The following PAN3 variants were observed in gnomAD, a reference collection of about 807,000 sequenced individuals.
PAN3 encodes PAN2-PAN3 deadenylation complex subunit PAN3.
Under a neutral mutation model 96.2 loss-of-function variants are expected in PAN3, and 19 were observed. The ratio of observed to expected loss-of-function variants is 0.20; its 90% confidence interval spans 0.14 to 0.29. The LOEUF (loss-of-function observed/expected upper bound fraction) is 0.29. Ranked by LOEUF, PAN3 falls within the 10% of genes least tolerant of loss-of-function variation. The pLI, the probability that PAN3 is intolerant of heterozygous loss-of-function variation, is 1.00. For synonymous variants in PAN3, 433 were observed against 406.6 expected (o/e 1.06, Z -0.78); for missense variants, 882 against 1,108.1 (o/e 0.80, Z 2.90).
intron 4 of PAN3, among the ~76,000 whole-genome samples, chr13:28,194,544 C>T (rs927501341): frequency 4.1e-5 from 6 of 145,818 alleles, no homozygotes; most frequent in Non-Finnish European, 7.4e-5. Flanking sequence ...GATCTCGGCT[C>T]AATGCAACCT....
At position 28,144,002 on chromosome 13, in the gene PAN3, T is replaced by C. The variant is rs548688192; in HGVS notation, c.430+4915T>C. Among the ~76,000 whole-genome samples the C allele has an allele frequency of 2.6e-5, 4 of 152,086 alleles. No individual in the cohort carries two copies. In the South Asian group the frequency reaches 8.3e-4, roughly 31 times the overall value. On this transcript the variant is annotated intron_variant, in intron 1 of 18. Coordinates refer to ENST00000380958, the MANE Select transcript of PAN3 (RefSeq NM_175854.8). ...GCTGGCATAAGTTTAAACATTTTTA[T>C]TGGAATAATATACTTAGTATATCAT...
intron 7 of PAN3, among the ~76,000 whole-genome samples, chr13:28,259,967 A>G (rs1421679441): frequency 6.6e-6 from 1 of 152,244 alleles, no homozygotes; most frequent in African/African-American, 2.4e-5. Context: ...GAATTCTTTC[A>G]GAAAGTATTC....
At position 28,272,089 on chromosome 13, in the gene PAN3, T is replaced by A; in HGVS notation, c.2049+18T>A. The A allele has an allele frequency of 6.9e-7, 1 of 1,452,082 alleles. No individual in the cohort carries two copies. The highest frequency in any genetic ancestry group is 9.5e-7 in the Non-Finnish European group (1 of 1,054,752). 89.9% of individuals were successfully genotyped at this position (1,452,082 alleles called of 1,614,324 possible). ...AGTACCAGGTGAGTAAGAATTAACA[T>A]GGATATTTACTTGTTTTCCTTTATT... is the stretch of plus-strand genomic sequence containing the variant. On this transcript the variant is annotated intron_variant, in intron 14 of 18. Transcript: ENST00000380958.
At chr13:28,195,806 G>A (rs1016973906) in intron 4 of PAN3, among the ~76,000 whole-genome samples, 4 of 152,154 alleles carry the variant, frequency 2.6e-5, no homozygotes, top group African/African-American at 9.7e-5. Flanking sequence ...AAAGTGCTGG[G>A]ATTAAGGCAT....
chr13:28,220,930 CT>C (rs934769586), intron 6 of PAN3, among the ~76,000 whole-genome samples: 1 of 151,942 alleles, frequency 6.6e-6, no homozygotes, highest in Non-Finnish European at 1.5e-5. Flanking sequence ...GAGAAAAACA[CT>C]TTTTAGTTAT....
intron 1 of PAN3, among the ~76,000 whole-genome samples, 177 bp from the exon 2 acceptor site, chr13:28,174,095 G>GT (rs1425516598): frequency 6.6e-6 from 1 of 152,174 alleles, no homozygotes; most frequent in Non-Finnish European, 1.5e-5. Flanking sequence ...CTTGAGCACT[G>GT]TTTAACATAT....
rs143068240 is a variant in PAN3 at position 28,179,602 on chromosome 13, G to A, written c.690+1667G>A. 6.3e-3 allele frequency among the ~76,000 whole-genome samples: 961 copies of A among 152,108 alleles called. 5 individuals carry two copies. The highest frequency in any genetic ancestry group is 0.011 in the East Asian group (58 of 5,166). ...GTGGTGGTACACACCTGCAGTCGCA[G>A]CTGAGGTGGGAGAGTCGTTTGAGCC... is the stretch of plus-strand genomic sequence containing the variant. On this transcript the variant is annotated intron_variant, in intron 4 of 18. Transcript: ENST00000380958.
intron 1 of PAN3, among the ~76,000 whole-genome samples, chr13:28,141,961 G>A: frequency 6.6e-6 from 1 of 152,192 alleles, no homozygotes; most frequent in Non-Finnish European, 1.5e-5. Context: ...TGCTGAAAAG[G>A]TATTTTAAAA....
chr13:28,231,744 A>G (rs563375802), intron 6 of PAN3, among the ~76,000 whole-genome samples: 31 of 152,238 alleles, frequency 2.0e-4, no homozygotes, highest in African/African-American at 7.0e-4. Flanking sequence ...AAACAAATAA[A>G]CAACAACCAT....
At chr13:28,232,729 T>C (rs1035863568) in intron 6 of PAN3, 3 of 152,142 alleles carry the variant, frequency 2.0e-5, no homozygotes, top group African/African-American at 7.2e-5. Flanking sequence ...ATACATGTAT[T>C]AGGAATCACA....
chr13:28,201,562 T>TA (rs1878704903), intron 5 of PAN3, among the ~76,000 whole-genome samples: 7 of 146,668 alleles, frequency 4.8e-5, no homozygotes, highest in African/African-American at 1.8e-4. Flanking sequence ...GTAATAATAA[T>TA]TTTTTTTTTT....
intron 15 of PAN3, among the ~76,000 whole-genome samples, chr13:28,280,074 C>T (rs1297356447): frequency 6.6e-6 from 1 of 152,082 alleles, no homozygotes; most frequent in Non-Finnish European, 1.5e-5. Context: ...GTGTGAACCA[C>T]TGCACCTGGC....
chr13:28,152,600 C>CA (rs971899614), intron 1 of PAN3, among the ~76,000 whole-genome samples: 33 of 149,964 alleles, frequency 2.2e-4, no homozygotes, highest in Non-Finnish European at 3.4e-4. Flanking sequence ...AACCAAAAAA[C>CA]AAAAAAAAAT....
At chr13:28,202,655 G>T (rs1197405754) in intron 5 of PAN3, among the ~76,000 whole-genome samples, 1 of 148,772 alleles carries the variant, frequency 6.7e-6, no homozygotes, top group East Asian at 1.9e-4. Flanking sequence ...ATATATATAT[G>T]TATACACACA....
At chr13:28,254,139 T>C (rs941440188) in intron 6 of PAN3, among the ~76,000 whole-genome samples, 1 of 152,196 alleles carries the variant, frequency 6.6e-6, no homozygotes, top group African/African-American at 2.4e-5. Flanking sequence ...TGTTTTCGTA[T>C]GTGTGTAAGA....
chr13:28,199,588 AT>A (rs1243634483), intron 5 of PAN3, among the ~76,000 whole-genome samples: 1 of 152,102 alleles, frequency 6.6e-6, no homozygotes, highest in African/African-American at 2.4e-5. Flanking sequence ...AAAAATACTC[AT>A]CTCGTCTCTA....
intron 9 of PAN3, 122 bp downstream of exon 9, chr13:28,261,580 C>G (rs1354786970): frequency 4.0e-6 from 3 of 752,066 alleles, no homozygotes; most frequent in Non-Finnish European, 6.1e-6. Context: ...TACCTGTAAT[C>G]CCAGCAGTTT....
In PAN3 at chr13:28,155,697, G is replaced by GAT. The variant is rs146987388; in HGVS notation, c.430+16622_430+16623dup. Among the ~76,000 whole-genome samples, 232 of 151,582 alleles carry GAT rather than the reference G, an allele frequency of 1.5e-3. 1 individual carries two copies. In the Middle Eastern group the frequency reaches 0.024, roughly 16 times the overall value. ...GACATTATAAATTATGACATAGTAT[G>GAT]ATATATATATATACACATCTCATAT... On this transcript the variant is annotated intron_variant, in intron 1 of 18. Coordinates refer to ENST00000380958, the MANE Select transcript of PAN3 (RefSeq NM_175854.8).
chr13:28,277,047 ATC>A (rs1303245208), intron 14 of PAN3, among the ~76,000 whole-genome samples, 188 bp from the exon 15 acceptor site: 1 of 152,114 alleles, frequency 6.6e-6, no homozygotes. Flanking sequence ...CCCAATGAGA[ATC>A]TCTGGTAGAG....
Sources: gnomAD v4.1 joint callset for allele counts (sites outside exome capture counted in the v4.1 genomes callset) on GRCh38, gnomAD v4.1.1 for gene constraint, MANE v1.5 for transcripts, NCBI Gene and HGNC (gene_info 2026-07-23, HGNC 2026-07-21) for gene names.